PLEKHG1: variants seen among roughly 807,000 people sequenced by gnomAD.
PLEKHG1 encodes the protein pleckstrin homology and RhoGEF domain containing G1.
PLEKHG1 carries 44 observed loss-of-function variants against 100.8 expected under a neutral mutation model. That is an observed-to-expected ratio of 0.44 (90% CI 0.34 to 0.56). The LOEUF (loss-of-function observed/expected upper bound fraction) is 0.56, where lower values mean the gene tolerates loss of function less well. Ranked by LOEUF, PLEKHG1 falls within the 20% of genes least tolerant of loss-of-function variation. The pLI is 0.01. For synonymous variants in PLEKHG1, 640 were observed against 662.5 expected (o/e 0.97, Z 0.52); for missense variants, 1,545 against 1,720.9 (o/e 0.90, Z 1.81).
intron 1 of PLEKHG1, among the ~76,000 whole-genome samples, chr6:150,631,399 G>T (rs1402554895): frequency 1.3e-5 from 2 of 152,224 alleles, no homozygotes; most frequent in African/African-American, 4.8e-5. Context: ...GTGATGCAAT[G>T]GGTGCTGCTG....
intron 2 of PLEKHG1, among the ~76,000 whole-genome samples, chr6:150,642,833 C>G (rs1778327633): frequency 6.6e-6 from 1 of 152,158 alleles, no homozygotes; most frequent in African/African-American, 2.4e-5. Context: ...GGTATGTAAC[C>G]CTTCAAGAAC....
intron 3 of PLEKHG1, among the ~76,000 whole-genome samples, chr6:150,783,203 G>T (rs1261793914): frequency 6.7e-6 from 1 of 150,244 alleles, no homozygotes; most frequent in Non-Finnish European, 1.5e-5. Context: ...TAAAGGGGAG[G>T]TCTCCCCCCA....
At chr6:150,727,929 C>T (rs1782042169) in intron 1 of PLEKHG1, among the ~76,000 whole-genome samples, 1 of 152,226 alleles carries the variant, frequency 6.6e-6, no homozygotes, top group Non-Finnish European at 1.5e-5. Flanking sequence ...GCTAATACAA[C>T]CTGCTAACAT....
Position 150,683,926 on chromosome 6 carries a change from G to T in PLEKHG1, c.-99+33140G>T. 1.3e-6 allele frequency: 1 copy of T among 761,880 alleles called. No homozygotes were observed. 47.2% of individuals were successfully genotyped at this position (761,880 alleles called of 1,614,324 possible). ...ATGGTTTGGCACCTGCAGCCAGGGTGGTGGCAAGGGCAGTGGCAAGTAGTG... is the reference window on the plus strand; with the variant it reads ...ATGGTTTGGCACCTGCAGCCAGGGTTGTGGCAAGGGCAGTGGCAAGTAGTG... On this transcript the variant is annotated intron_variant, in intron 3 of 3. Coordinates refer to the PLEKHG1 transcript ENST00000367326. The surrounding 1 kb of genome is among the most constrained non-coding windows in gnomAD (Gnocchi z 4.0).
At chr6:150,671,305 A>T (rs933101400) in intron 3 of PLEKHG1, among the ~76,000 whole-genome samples, 1 of 152,160 alleles carries the variant, frequency 6.6e-6, no homozygotes, top group Non-Finnish European at 1.5e-5. Flanking sequence ...TTCTTTAAGG[A>T]ATCTCCACAG....
At chr6:150,783,242 A>G (rs894387927) in intron 3 of PLEKHG1, among the ~76,000 whole-genome samples, 2 of 151,742 alleles carry the variant, frequency 1.3e-5, no homozygotes, top group Non-Finnish European at 2.9e-5. Flanking sequence ...AAACAGGAAG[A>G]TAGAGAGTAG....
intron 6 of PLEKHG1, among the ~76,000 whole-genome samples, chr6:150,801,660 G>A (rs1003326098): frequency 2.6e-5 from 4 of 151,614 alleles, no homozygotes; most frequent in Admixed American, 6.6e-5. Flanking sequence ...GCCTGGTCTC[G>A]AACTCCTGAG....
chr6:150,600,608 G>T lies in PLEKHG1; in HGVS notation c.-204+591G>T, dbSNP rs1397407899. On this transcript the variant is annotated intron_variant, in intron 1 of 3. Coordinates refer to the PLEKHG1 transcript ENST00000367326. This position sits in a 1 kb window ranked among gnomAD's most constrained non-coding sequence, Gnocchi z 6.2. ...GTTCTGCAGATGCGCTTTTCAGGGGGTGGGGAGTCAAGAGCCTGTGGCTCT... is the reference window on the plus strand; with the variant it reads ...GTTCTGCAGATGCGCTTTTCAGGGGTTGGGGAGTCAAGAGCCTGTGGCTCT... 3.3e-5 allele frequency among the ~76,000 whole-genome samples: 5 copies of T among 152,234 alleles called. No homozygotes were observed. Among genetic ancestry groups the T allele is most frequent in the Non-Finnish European group, 7.3e-5 (5 of 68,040 alleles).
intron 1 of PLEKHG1, among the ~76,000 whole-genome samples, chr6:150,627,714 T>C (rs1468782762): frequency 6.6e-6 from 1 of 152,184 alleles, no homozygotes; most frequent in Non-Finnish European, 1.5e-5. Context: ...ACAAGTATAA[T>C]AAAACTGGAT....
At chr6:150,808,463 G>T (rs1639849720) in intron 7 of PLEKHG1, among the ~76,000 whole-genome samples, 1 of 151,984 alleles carries the variant, frequency 6.6e-6, no homozygotes, top group African/African-American at 2.4e-5. Context: ...AAAATCAAGG[G>T]AAGGGGCCGG....
intron 11 of PLEKHG1, among the ~76,000 whole-genome samples, chr6:150,818,423 T>C (rs1027234654): frequency 6.6e-6 from 1 of 152,228 alleles, no homozygotes; most frequent in Non-Finnish European, 1.5e-5. Context: ...TCTGAGTCCC[T>C]TGATGGCTGG....
chr6:150,798,241 G>A (rs992210102), intron 5 of PLEKHG1, among the ~76,000 whole-genome samples: 14 of 151,856 alleles, frequency 9.2e-5, no homozygotes, highest in Non-Finnish European at 1.8e-4. Context: ...CTTCCTTAGG[G>A]AAGGAAAAAA....
Position 150,763,024 on chromosome 6 carries a change from C to CTTTTTTTTTTT in PLEKHG1, c.412-5604_412-5594dup, listed in dbSNP as rs60462437. 4.7e-3 allele frequency among the ~76,000 whole-genome samples: 359 copies of CTTTTTTTTTTT among 76,460 alleles called. 28 individuals are homozygous for CTTTTTTTTTTT. The highest frequency in any genetic ancestry group is 0.015 in the African/African-American group (214 of 14,458). 50.2% of individuals were successfully genotyped at this position (76,460 alleles called of 152,430 possible). On this transcript the variant is annotated intron_variant, in intron 2 of 15. Transcript: ENST00000358517. ...AGCACCAACAGGAGGGATAAAGCTT[C>CTTTTTTTTTTT]TTTTTTTTTTTTTTTTTTTTGAGAC...
intron 1 of PLEKHG1, among the ~76,000 whole-genome samples, chr6:150,604,575 G>A (rs746418287): frequency 1.5e-4 from 23 of 152,182 alleles, no homozygotes; most frequent in Non-Finnish European, 2.6e-4. Context: ...GTGTCCTTCC[G>A]TATTTTCGTT....
intron 10 of PLEKHG1, among the ~76,000 whole-genome samples, chr6:150,811,550 G>T (rs2128671260): frequency 6.6e-6 from 1 of 152,078 alleles, no homozygotes; most frequent in Non-Finnish European, 1.5e-5. Flanking sequence ...GGGATGACAG[G>T]CATGAGCCAC....
intron 3 of PLEKHG1, among the ~76,000 whole-genome samples, chr6:150,667,649 T>C (rs1779447120): frequency 6.6e-6 from 1 of 152,230 alleles, no homozygotes; most frequent in Non-Finnish European, 1.5e-5. Flanking sequence ...AGCAGGAATA[T>C]TTTCCTGCAT....
intron 3 of PLEKHG1, among the ~76,000 whole-genome samples, chr6:150,772,635 GC>G (rs1784766363): frequency 6.6e-6 from 1 of 152,160 alleles, no homozygotes; most frequent in African/African-American, 2.4e-5. Flanking sequence ...TAAGTCATAT[GC>G]TTTCACCTAT....
intron 13 of PLEKHG1, 37 bp from the exon 15 acceptor site, chr6:150,823,617 T>C: frequency 6.7e-7 from 1 of 1,482,478 alleles, no homozygotes; most frequent in Non-Finnish European, 9.4e-7. Flanking sequence ...AGGTACATTT[T>C]CATTCTCAAA....
intron 5 of PLEKHG1, among the ~76,000 whole-genome samples, 165 bp from the exon 7 acceptor site, chr6:150,800,552 TCC>T (rs1471864512): frequency 2.6e-5 from 4 of 152,190 alleles, no homozygotes; most frequent in African/African-American, 9.7e-5. Context: ...TAATTCACCC[TCC>T]CAGAGGGAAC....
Sources: allele counts gnomAD v4.1 joint callset (sites outside exome capture counted in the v4.1 genomes callset), GRCh38; gene constraint gnomAD v4.1.1; non-coding constraint Gnocchi (gnomAD v3.1); transcripts MANE v1.5; gene names NCBI Gene and HGNC (gene_info 2026-07-23, HGNC 2026-07-21).